Variants in PLEKHA4 observed in about 807,000 individuals in gnomAD.
The protein encoded by PLEKHA4 is pleckstrin homology domain-containing family A member 4.
In PLEKHA4, 73 loss-of-function variants were observed where a neutral mutation model predicts 94.7. The observed-to-expected ratio is 0.77, with a 90% CI of 0.64 to 0.94. PLEKHA4 has a LOEUF of 0.94. PLEKHA4 is among the 40% of genes least tolerant of loss of function. The pLI, the probability that PLEKHA4 is intolerant of heterozygous loss-of-function variation, is 0.00. For synonymous variants in PLEKHA4, 449 were observed against 437.1 expected, an observed-to-expected ratio of 1.03 and a Z score of -0.34; for missense variants, 1,049 against 1,054.1, an observed-to-expected ratio of 1.00 and a Z score of 0.07.
In PLEKHA4 at chr19:48,861,712, G is replaced by C; in HGVS notation, c.193-20C>G. The C allele has an allele frequency of 6.2e-7, 1 of 1,602,374 alleles. No individual in the cohort carries two copies. Among genetic ancestry groups the C allele is most frequent in the Non-Finnish European group, 8.6e-7 (1 of 1,169,464 alleles). On this transcript the variant is annotated intron_variant, in intron 3 of 19. Transcript: ENST00000263265. ...GCTGTCCTGGGGAGAGAGATGGGAG[G>C]AGGGGCCTGAGTAAAGGGAAACAGA...
intron 5 of PLEKHA4, 135 bp downstream of exon 5, chr19:48,861,265 CG>C: frequency 2.5e-6 from 2 of 791,484 alleles, no homozygotes; most frequent in Non-Finnish European, 4.4e-6. Flanking sequence ...ATGCAATTGA[CG>C]CTTGTCAAGA....
intron 11 of PLEKHA4, 44 bp downstream of exon 11, chr19:48,853,963 G>A (rs2036302738): frequency 2.5e-6 from 4 of 1,612,016 alleles, no homozygotes; most frequent in Non-Finnish European, 3.4e-6. Context: ...GCTCAGGGCA[G>A]GCAGAGAGGC....
In PLEKHA4 at chr19:48,861,675, A is replaced by G. The variant is rs200769478; in HGVS notation, c.210T>C (p.Arg70=). The change falls in exon 4 of 20, where the codon CGT becomes CGC. Residue 70 remains arginine, a synonymous_variant. Transcript: ENST00000263265. The part of the protein sequence containing the change: ...WLHKQDSSGL[R]LWKRRWFVLS... The stretch of plus-strand genomic sequence containing the variant: ...GGACGAACCAGCGGCGTTTCCAGAG[A>G]CGGAGCCCCGAGCTGTCCTGGGGAG... 1.9e-6 allele frequency: 3 copies of G among 1,614,100 alleles called. No individual in the cohort carries two copies. In the Admixed American group the frequency reaches 5.0e-5, roughly 27 times the overall value.
intron 6 of PLEKHA4, 71 bp from the exon 7 acceptor site, chr19:48,859,755 G>A: frequency 7.1e-7 from 1 of 1,403,940 alleles, no homozygotes; most frequent in African/African-American, 1.4e-5. Flanking sequence ...TGTCACAGGT[G>A]AGAACACAAG....
intron 9 of PLEKHA4, 136 bp from the exon 10 acceptor site, chr19:48,854,400 G>A: frequency 2.6e-6 from 2 of 782,116 alleles, no homozygotes; most frequent in Non-Finnish European, 2.0e-6. Flanking sequence ...ATAGGGTCTT[G>A]CTCTGTCACC....
rs200584931 is a variant in PLEKHA4, at chr19:48,838,145, A to G, written c.1965-16T>C. ...GTTCCTTGGACTAGAAAAAAAAAGA[A>G]GATTGGGGGTGGGGGTGTGTACATG... On this transcript the variant is annotated splice_polypyrimidine_tract_variant and intron_variant, in intron 18 of 19. Transcript: ENST00000263265. 26 of 1,299,042 alleles carry G rather than the reference A, an allele frequency of 2.0e-5. No homozygotes were observed. In the East Asian group the frequency reaches 6.4e-4, roughly 32 times the overall value. 80.5% of individuals were successfully genotyped at this position (1,299,042 alleles called of 1,614,324 possible).
intron 3 of PLEKHA4, among the ~76,000 whole-genome samples, chr19:48,863,538 C>G (rs1232955290): frequency 6.6e-6 from 1 of 151,428 alleles, no homozygotes; most frequent in African/African-American, 2.4e-5. Context: ...TCACGCCATT[C>G]TCCTACCTCA....
intron 3 of PLEKHA4, among the ~76,000 whole-genome samples, chr19:48,864,369 T>C (rs770433447): frequency 6.6e-5 from 10 of 152,076 alleles, no homozygotes; most frequent in Admixed American, 5.2e-4. Context: ...GGTTTCGCCA[T>C]GTTGACCAGG....
intron 13 of PLEKHA4, among the ~76,000 whole-genome samples, chr19:48,848,593 G>A (rs2036063920): frequency 6.6e-6 from 1 of 151,408 alleles, no homozygotes; most frequent in Admixed American, 6.6e-5. Context: ...AGAAGTTCAA[G>A]ACCAGCCTGG....
intron 9 of PLEKHA4, 44 bp downstream of exon 9, chr19:48,857,378 A>G: frequency 1.3e-6 from 1 of 770,756 alleles, no homozygotes; most frequent in Non-Finnish European, 2.2e-6. Flanking sequence ...GAAGAAAGGA[A>G]GGGAGGGGGC....
intron 17 of PLEKHA4, among the ~76,000 whole-genome samples, 175 bp downstream of exon 17, chr19:48,840,974 A>G (rs538746456): frequency 8.7e-6 from 1 of 115,458 alleles, no homozygotes; most frequent in African/African-American, 3.5e-5. Context: ...CTGTCCACCC[A>G]CCACTATCCA....
chr19:48,859,268 C>T, intron 7 of PLEKHA4, 129 bp from the exon 8 acceptor site: 1 of 917,694 alleles, frequency 1.1e-6, no homozygotes, highest in Non-Finnish European at 1.7e-6. Context: ...GGTTAGAATC[C>T]TCCTCTACTG....
intron 13 of PLEKHA4, among the ~76,000 whole-genome samples, chr19:48,851,023 C>G (rs2036164601): frequency 6.6e-6 from 1 of 151,824 alleles, no homozygotes; most frequent in South Asian, 2.1e-4. Context: ...CATCTGTAAT[C>G]CCAGGTACTT....
intron 14 of PLEKHA4, among the ~76,000 whole-genome samples, 157 bp downstream of exon 14, chr19:48,847,743 C>T (rs916588124): frequency 6.6e-6 from 1 of 151,812 alleles, no homozygotes; most frequent in African/African-American, 2.4e-5. Context: ...AAAAAACCCC[C>T]GAAAAAAAAG....
At position 48,841,263 on chromosome 19, in the gene PLEKHA4, C is replaced by A; in HGVS notation, c.1791G>T (p.Arg597=). The change falls in exon 17 of 20, where the codon CGG becomes CGT. Residue 597 remains arginine, a synonymous_variant. Transcript: ENST00000263265. ...GTCCACATTCCTGGTTTCTGCGCAT[C>A]CGCTCCAGCTGCTCCTGGGCACTCA... ...PRMSAQEQLE[R]MRRNQECGRP... The A allele has an allele frequency of 6.2e-7, 1 of 1,613,644 alleles. No homozygotes were observed. Among genetic ancestry groups the A allele is most frequent in the Non-Finnish European group, 8.5e-7 (1 of 1,179,912 alleles).
At chr19:48,843,459 G>A (rs1053102215) in intron 16 of PLEKHA4, among the ~76,000 whole-genome samples, 7 of 151,688 alleles carry the variant, frequency 4.6e-5, no homozygotes, top group East Asian at 1.9e-4. Flanking sequence ...GATTACAGGC[G>A]TTAGCCACCG....
At chr19:48,841,109 C>A in intron 17 of PLEKHA4, 40 bp downstream of exon 17, 1 of 1,582,250 alleles carries the variant, frequency 6.3e-7, no homozygotes, top group Non-Finnish European at 8.6e-7. Flanking sequence ...AGAGGACCTA[C>A]TACCACCCCA....
chr19:48,847,932 C>T lies in PLEKHA4; in HGVS notation c.1534G>A (p.Val512Met), dbSNP rs200074374. 1.9e-5 allele frequency: 30 copies of T among 1,598,056 alleles called. No homozygotes were observed. The highest frequency in any genetic ancestry group is 1.7e-4 in the Middle Eastern group (1 of 5,984). The change falls in exon 14 of 20, where the codon GTG (valine) becomes ATG (methionine). Residue 512 changes from valine (V) to methionine (M), a missense_variant. Coordinates refer to ENST00000263265, the MANE Select transcript of PLEKHA4 (RefSeq NM_020904.3). ...PHTEPDSPSP[V>M]LQGEESSERE... ...TCTGAGGACTCCTCGCCCTGGAGCA[C>T]GGGAGATGGGGAGTCAGGCTCAGTG...
At chr19:48,864,211 C>G (rs1352504215) in intron 3 of PLEKHA4, among the ~76,000 whole-genome samples, 1 of 151,532 alleles carries the variant, frequency 6.6e-6, no homozygotes, top group East Asian at 1.9e-4. Context: ...CTCCATCATC[C>G]AGGCTGGAGT....
Sources: gnomAD v4.1 joint callset for allele counts (sites outside exome capture counted in the v4.1 genomes callset) on GRCh38, gnomAD v4.1.1 for gene constraint, MANE v1.5 for transcripts, NCBI Gene and HGNC (gene_info 2026-07-23, HGNC 2026-07-21) for gene names.